Variants in SLC41A2 observed in about 807,000 individuals in gnomAD.
SLC41A2 encodes the protein solute carrier family 41 member 2, also known as SLC41A1-like 1.
Under a neutral mutation model 58.3 loss-of-function variants are expected in SLC41A2, and 32 were observed. The observed-to-expected ratio is 0.55, with a 90% CI of 0.41 to 0.74. The LOEUF (loss-of-function observed/expected upper bound fraction) is 0.74. SLC41A2 is among the 30% of genes least tolerant of loss of function. The probability of loss-of-function intolerance (pLI) is 0.00; values close to 1 mark genes in which losing one functional copy is unlikely to be tolerated. For missense variants in SLC41A2, 514 were observed against 680.6 expected, an observed-to-expected ratio of 0.76 and a Z score of 2.72; for synonymous variants, 190 against 235.0, an observed-to-expected ratio of 0.81 and a Z score of 1.75.
At chr12:104,827,583 T>C (rs2041891190) in intron 10 of SLC41A2, among the ~76,000 whole-genome samples, 1 of 152,262 alleles carries the variant, frequency 6.6e-6, no homozygotes, top group Admixed American at 6.5e-5. Flanking sequence ...TCTTTGGCAC[T>C]AAATTCTTTC....
chr12:104,854,023 G>C (rs929391245), intron 8 of SLC41A2, among the ~76,000 whole-genome samples: 1 of 147,922 alleles, frequency 6.8e-6, no homozygotes, highest in African/African-American at 2.5e-5. Context: ...GCCTCCCAAA[G>C]TGCTGGGGTT....
chr12:104,810,438 T>C (rs913439319), intron 10 of SLC41A2, among the ~76,000 whole-genome samples: 1 of 152,174 alleles, frequency 6.6e-6, no homozygotes, highest in African/African-American at 2.4e-5. Flanking sequence ...ATATTAACAA[T>C]GTGTTAAATA....
At chr12:104,853,694 T>C (rs1377921194) in intron 8 of SLC41A2, among the ~76,000 whole-genome samples, 2 of 150,070 alleles carry the variant, frequency 1.3e-5, no homozygotes, top group Admixed American at 6.7e-5. Flanking sequence ...AGATCATGCA[T>C]TATTTTTTAA....
chr12:104,942,927 A>C (rs1593184778), intron 1 of SLC41A2, among the ~76,000 whole-genome samples: 1 of 152,244 alleles, frequency 6.6e-6, no homozygotes, highest in Admixed American at 6.5e-5. Flanking sequence ...GCAGTTCATT[A>C]GCATTTCAAA....
intron 1 of SLC41A2, among the ~76,000 whole-genome samples, chr12:104,956,801 G>T (rs1186379408): frequency 6.6e-6 from 1 of 152,200 alleles, no homozygotes; most frequent in Non-Finnish European, 1.5e-5. Flanking sequence ...CACATGAAAA[G>T]ATGCTCAGCA....
chr12:104,851,438 C>T (rs115838206), intron 8 of SLC41A2, among the ~76,000 whole-genome samples: 2,836 of 152,040 alleles, frequency 0.019, 31 homozygotes, highest in African/African-American at 0.035. Context: ...GGCTGGAGTG[C>T]AGTTGCGTCA....
At chr12:104,854,407 C>CA (rs1425643889) in intron 8 of SLC41A2, among the ~76,000 whole-genome samples, 8 of 151,890 alleles carry the variant, frequency 5.3e-5, no homozygotes, top group Non-Finnish European at 1.2e-4. Context: ...ACTAAAAATA[C>CA]AAAAAATTAG....
intron 8 of SLC41A2, among the ~76,000 whole-genome samples, chr12:104,856,656 A>G (rs1158796112): frequency 6.6e-6 from 1 of 152,240 alleles, no homozygotes. Context: ...TAAGGCTCCC[A>G]TTGGAATTGT....
intron 4 of SLC41A2, among the ~76,000 whole-genome samples, chr12:104,891,379 A>T (rs2044958490): frequency 6.6e-6 from 1 of 152,066 alleles, no homozygotes; most frequent in African/African-American, 2.4e-5. Context: ...AAAAGCTGAG[A>T]TGGAAATTAT....
chr12:104,849,004 T>G (rs56302664), intron 8 of SLC41A2, among the ~76,000 whole-genome samples: 2,749 of 152,162 alleles, frequency 0.018, 103 homozygotes, highest in African/African-American at 0.062. Flanking sequence ...CTAAGATAAT[T>G]ATTAATATGC....
intron 8 of SLC41A2, among the ~76,000 whole-genome samples, chr12:104,860,435 A>G (rs1394218472): frequency 6.6e-6 from 1 of 152,038 alleles, no homozygotes; most frequent in Non-Finnish European, 1.5e-5. Context: ...CAGTCACCCC[A>G]GAAGCCGGTA....
intron 10 of SLC41A2, among the ~76,000 whole-genome samples, chr12:104,807,523 G>A (rs1039506938): frequency 4.6e-5 from 7 of 152,132 alleles, no homozygotes; most frequent in African/African-American, 1.7e-4. Flanking sequence ...TGTTCTTTTG[G>A]TTTAGGATTG....
intron 1 of SLC41A2, among the ~76,000 whole-genome samples, chr12:104,938,728 C>G (rs551555660): frequency 6.6e-6 from 1 of 152,140 alleles, no homozygotes; most frequent in Admixed American, 6.5e-5. Flanking sequence ...TCCCAGAAAG[C>G]CACTGAGAGT....
At chr12:104,904,672 T>C (rs995518830) in intron 3 of SLC41A2, among the ~76,000 whole-genome samples, 4 of 152,028 alleles carry the variant, frequency 2.6e-5, no homozygotes, top group Non-Finnish European at 5.9e-5. Flanking sequence ...TTCTTCCTTC[T>C]GGTGGGTTCG....
chr12:104,806,047 C>A (rs888813741), intron 10 of SLC41A2, among the ~76,000 whole-genome samples: 14 of 151,796 alleles, frequency 9.2e-5, no homozygotes, highest in Non-Finnish European at 1.6e-4. Context: ...GGGGGATTTT[C>A]TTTATTTATT....
intron 4 of SLC41A2, among the ~76,000 whole-genome samples, chr12:104,893,724 G>A (rs2045132809): frequency 6.6e-6 from 1 of 152,130 alleles, no homozygotes; most frequent in Non-Finnish European, 1.5e-5. Flanking sequence ...TGGAACTGGA[G>A]GTCATTATGC....
chr12:104,818,832 G>T (rs1316252779), intron 10 of SLC41A2, among the ~76,000 whole-genome samples: 1 of 152,022 alleles, frequency 6.6e-6, no homozygotes, highest in African/African-American at 2.4e-5. Context: ...AGCCAAGATT[G>T]TGCCATTGCA....
intron 4 of SLC41A2, among the ~76,000 whole-genome samples, chr12:104,892,748 C>T (rs578237483): frequency 7.2e-5 from 11 of 152,234 alleles, no homozygotes; most frequent in Non-Finnish European, 1.3e-4. Flanking sequence ...AGAATATACA[C>T]TGAGGAAAAG....
intron 3 of SLC41A2, among the ~76,000 whole-genome samples, chr12:104,905,557 G>A (rs1367196454): frequency 1.3e-5 from 2 of 152,254 alleles, no homozygotes; most frequent in African/African-American, 2.4e-5. Context: ...GCGCCGTGGA[G>A]CAGGGGGTGG....
Sources: allele counts gnomAD v4.1 joint callset (sites outside exome capture counted in the v4.1 genomes callset), GRCh38; gene constraint gnomAD v4.1.1; transcripts MANE v1.5; gene names NCBI Gene and HGNC (gene_info 2026-07-23, HGNC 2026-07-21).